Variants in SLIT3 observed in about 807,000 individuals in gnomAD.
SLIT3 encodes the protein slit homolog 3 protein.
SLIT3 carries 68 observed loss-of-function variants against 184.0 expected under a neutral mutation model. The ratio of observed to expected loss-of-function variants is 0.37; its 90% CI spans 0.30 to 0.45. SLIT3 has a LOEUF of 0.45. Among genes scored for constraint, SLIT3 ranks in the 20% least tolerant of loss-of-function variants. The probability of loss-of-function intolerance (pLI) is 1.00; values close to 1 mark genes in which losing one functional copy is unlikely to be tolerated. For synonymous variants in SLIT3, 831 were observed against 828.6 expected, an observed-to-expected ratio of 1.00 and a Z score of -0.05; for missense variants, 1,707 against 2,026.0, an observed-to-expected ratio of 0.84 and a Z score of 3.02.
At chr5:169,161,306 G>C (rs1204255878) in intron 4 of SLIT3, among the ~76,000 whole-genome samples, 6 of 152,178 alleles carry the variant, frequency 3.9e-5, no homozygotes, top group Admixed American at 3.9e-4. Flanking sequence ...CCCACTGCCT[G>C]CCCTCTCAGC....
At chr5:169,268,369 G>T (rs941309135) in intron 1 of SLIT3, among the ~76,000 whole-genome samples, 1 of 152,158 alleles carries the variant, frequency 6.6e-6, no homozygotes, top group Non-Finnish European at 1.5e-5. Context: ...AGGAAATTCT[G>T]AATGTCATCT....
intron 4 of SLIT3, among the ~76,000 whole-genome samples, chr5:169,145,172 G>A (rs1371154275): frequency 2.6e-5 from 4 of 152,156 alleles, no homozygotes; most frequent in South Asian, 2.1e-4. Context: ...CCAAGGCTGC[G>A]TGACACCTCC....
chr5:168,947,935 C>T (rs1475513464), intron 4 of SLIT3, among the ~76,000 whole-genome samples: 1 of 151,866 alleles, frequency 6.6e-6, no homozygotes, highest in Non-Finnish European at 1.5e-5. Context: ...GGATGACAGG[C>T]ATGCACCACC....
intron 9 of SLIT3, among the ~76,000 whole-genome samples, chr5:168,800,906 T>C (rs1048206235): frequency 6.6e-5 from 10 of 152,218 alleles, no homozygotes; most frequent in Non-Finnish European, 1.3e-4. Flanking sequence ...CACATATACA[T>C]GTGCAGATGT....
intron 5 of SLIT3, among the ~76,000 whole-genome samples, chr5:168,846,400 G>A (rs1758469948): frequency 1.3e-5 from 2 of 152,084 alleles, no homozygotes; most frequent in Admixed American, 6.5e-5. Context: ...GGTTTGCTAA[G>A]CCTCTTTTTC....
chr5:169,235,313 A>G (rs1452960901), intron 3 of SLIT3, among the ~76,000 whole-genome samples: 1 of 152,140 alleles, frequency 6.6e-6, no homozygotes, highest in African/African-American at 2.4e-5. Context: ...ATTAAAATAT[A>G]TGTATGTATT....
intron 4 of SLIT3, among the ~76,000 whole-genome samples, chr5:169,047,066 C>T (rs1364772154): frequency 6.6e-6 from 1 of 152,104 alleles, no homozygotes; most frequent in African/African-American, 2.4e-5. Context: ...ACTGGAGAAG[C>T]AAAACCAAAA....
chr5:168,866,635 T>A (rs1239263465), intron 5 of SLIT3, among the ~76,000 whole-genome samples: 2 of 152,182 alleles, frequency 1.3e-5, no homozygotes, highest in African/African-American at 4.8e-5. Context: ...TTTGGATTGA[T>A]TTCCCCCAAT....
intron 35 of SLIT3, among the ~76,000 whole-genome samples, chr5:168,668,404 T>C (rs905213778): frequency 2.0e-5 from 3 of 152,084 alleles, no homozygotes; most frequent in Non-Finnish European, 4.4e-5. Context: ...TCTGAGTGGC[T>C]AGGGTTTCAT....
chr5:168,841,215 A>G (rs999169907), intron 6 of SLIT3, among the ~76,000 whole-genome samples: 6 of 152,216 alleles, frequency 3.9e-5, no homozygotes, highest in African/African-American at 1.2e-4. Context: ...TCTGCTGCTA[A>G]TTAGCTAAGC....
In SLIT3 at chr5:169,088,217, G is replaced by A. The variant is rs539775240; in HGVS notation, c.413+105262C>T. 2.2e-4 allele frequency among the ~76,000 whole-genome samples: 34 copies of A among 152,254 alleles called. No individual in the cohort carries two copies. The East Asian group carries it at 2.3e-3, about 10-fold the overall frequency. On this transcript the variant is annotated intron_variant, in intron 4 of 35. Transcript: ENST00000519560. ...ATCTCCTGCAGTGTGTCGGCTGGCC[G>A]TATGGCTTGTGTTCATAAATAAGCC...
chr5:168,980,303 T>C (rs1254253408), intron 4 of SLIT3, among the ~76,000 whole-genome samples: 1 of 152,098 alleles, frequency 6.6e-6, no homozygotes. Context: ...GAAGGCAGAC[T>C]GAATTAAAAA....
chr5:168,748,064 G>C (rs563644925), intron 20 of SLIT3, among the ~76,000 whole-genome samples: 2 of 152,218 alleles, frequency 1.3e-5, no homozygotes, highest in Admixed American at 6.5e-5. Context: ...TACAGGGTCA[G>C]AGACTCCTCC....
chr5:168,706,613 A>C (rs927637240), intron 26 of SLIT3: 4 of 152,116 alleles, frequency 2.6e-5, no homozygotes, highest in African/African-American at 9.7e-5. Flanking sequence ...GACCTTATGC[A>C]TTTAGTCTCT....
intron 3 of SLIT3, among the ~76,000 whole-genome samples, chr5:169,219,534 A>G (rs995553721): frequency 2.0e-5 from 3 of 151,746 alleles, no homozygotes; most frequent in African/African-American, 4.8e-5. Flanking sequence ...ACCAACACCT[A>G]CCTGCTATCT....
chr5:168,695,677 G>GT, intron 28 of SLIT3, among the ~76,000 whole-genome samples: 1 of 152,142 alleles, frequency 6.6e-6, no homozygotes, highest in Middle Eastern at 3.2e-3. Flanking sequence ...AAGGTTTTGT[G>GT]TTTGGGGGGT....
chr5:168,844,486 C>T, intron 6 of SLIT3, 98 bp downstream of exon 6: 2 of 1,114,978 alleles, frequency 1.8e-6, no homozygotes, highest in Non-Finnish European at 2.7e-6. Flanking sequence ...CACAGACCCT[C>T]CTGCACACAC....
intron 35 of SLIT3, among the ~76,000 whole-genome samples, chr5:168,668,955 G>C (rs1442703490): frequency 6.6e-6 from 1 of 152,220 alleles, no homozygotes; most frequent in Non-Finnish European, 1.5e-5. Flanking sequence ...TTTTAGTAGA[G>C]ACAGGGTTTC....
intron 5 of SLIT3, among the ~76,000 whole-genome samples, chr5:168,875,060 GAAGGA>G (rs10607703): frequency 0.18 from 27,547 of 150,806 alleles, 2,606 homozygotes; most frequent in Non-Finnish European, 0.2. Context: ...TGGAAGAAAG[GAAGGA>G]AAGAAGGGAG....
Sources: allele counts gnomAD v4.1 joint callset (sites outside exome capture counted in the v4.1 genomes callset), GRCh38; gene constraint gnomAD v4.1.1; transcripts MANE v1.5; gene names NCBI Gene and HGNC (gene_info 2026-07-23, HGNC 2026-07-21).